ITGB2: variants seen among roughly 807,000 people sequenced by gnomAD.
ITGB2 encodes integrin beta-2.
Under a neutral mutation model 86.8 loss-of-function variants are expected in ITGB2, and 56 were observed. The observed-to-expected ratio is 0.65, with a 90% CI of 0.52 to 0.81. The LOEUF is 0.81. ITGB2 is among the 30% of genes least tolerant of loss of function. The probability of loss-of-function intolerance (pLI) is 0.00; values close to 1 mark genes in which losing one functional copy is unlikely to be tolerated. For missense variants in ITGB2, 948 were observed against 1,061.2 expected, an observed-to-expected ratio of 0.89 and a Z score of 1.48; for synonymous variants, 457 against 450.4, an observed-to-expected ratio of 1.01 and a Z score of -0.19.
rs144862744 is a variant in ITGB2, at chr21:44,899,097, C to G, written c.963G>C (p.Ala321=). Residue 321 remains alanine, a synonymous_variant, in exon 8 of 16, where the codon GCG becomes GCC. Coordinates refer to ENST00000652462, the MANE Select transcript of ITGB2 (RefSeq NM_000211.5). The part of the protein sequence containing the change: ...LAENNIQPIF[A]VTSRMVKTYE... Reference sequence around the variant, plus strand: ...AGGTCTTCACCATCCTACTGGTCACCGCGAAGATGGGCTGGATGTTGTTTT... The same window carrying G: ...AGGTCTTCACCATCCTACTGGTCACGGCGAAGATGGGCTGGATGTTGTTTT... 6.2e-7 allele frequency: 1 copy of G among 1,614,042 alleles called. No homozygotes were observed. The highest frequency in any genetic ancestry group is 8.5e-7 in the Non-Finnish European group (1 of 1,180,006).
intron 1 of ITGB2, among the ~76,000 whole-genome samples, chr21:44,915,262 G>C (rs2084191155): frequency 6.6e-6 from 1 of 152,130 alleles, no homozygotes; most frequent in Non-Finnish European, 1.5e-5. Context: ...CTGACCTCAT[G>C]ATCCGCCCAC....
intron 11 of ITGB2, among the ~76,000 whole-genome samples, chr21:44,891,480 TCCTTGTGCCCCTGAGATGGG>T (rs1002312985): frequency 5.9e-5 from 9 of 152,192 alleles, no homozygotes; most frequent in South Asian, 4.1e-4. Flanking sequence ...CAGCGGGGAC[TCCTTGTGCCCCTGAGATGGG>T]CCTCCATCCT....
In ITGB2 at chr21:44,886,283, C is replaced by A; in HGVS notation, c.*85G>T. 8.1e-7 allele frequency: 1 copy of A among 1,234,276 alleles called. No homozygotes were observed. The highest frequency in any genetic ancestry group is 1.2e-6 in the Non-Finnish European group (1 of 834,080). The allele number at this position is 1,234,276 out of a possible 1,614,324, so 76.5% of individuals were successfully genotyped here. On this transcript the variant is annotated 3_prime_UTR_variant, in exon 16 of 16. Coordinates refer to ENST00000652462, the MANE Select transcript of ITGB2 (RefSeq NM_000211.5). ...GGATTTCTGGTTAATTGGTGACATC[C>A]TCAAGAGCTGTGGCAAGCCATGTCT... is the stretch of plus-strand genomic sequence containing the variant.
At chr21:44,902,371 G>C (rs1426444630) in intron 5 of ITGB2, among the ~76,000 whole-genome samples, 3 of 152,214 alleles carry the variant, frequency 2.0e-5, no homozygotes, top group African/African-American at 7.2e-5. Context: ...TTGTGTGTGA[G>C]CGTGCATTCA....
At chr21:44,926,570 T>G (rs1399710158) in intron 1 of ITGB2, among the ~76,000 whole-genome samples, 2 of 152,080 alleles carry the variant, frequency 1.3e-5, no homozygotes, top group Non-Finnish European at 2.9e-5. Context: ...AAAGAGTAGA[T>G]GTTGATCCCA....
chr21:44,888,702 C>T lies in ITGB2; in HGVS notation c.2071G>A (p.Glu691Lys). 6.2e-7 allele frequency: 1 copy of T among 1,608,902 alleles called. No individual in the cohort carries two copies. The highest frequency in any genetic ancestry group is 8.5e-7 in the Non-Finnish European group (1 of 1,179,946). Reference protein sequence around the residue: ...GMDRYLIYVDESRECVAGPNI... With the variant: ...GMDRYLIYVDKSRECVAGPNI... ...ACCCCAGCGGCCTCACCTCGGCTCT[C>T]ATCCACATAGATGAGGTAGCGGTCC... The change falls in exon 14 of 16, where the codon GAG (glutamate) becomes AAG (lysine). Residue 691 changes from glutamate (E) to lysine (K), a missense_variant. Transcript: ENST00000652462.
chr21:44,918,156 C>A (rs2084239008), intron 1 of ITGB2, among the ~76,000 whole-genome samples: 1 of 152,240 alleles, frequency 6.6e-6, no homozygotes. Context: ...AGCGACCTGG[C>A]CTGTACCTGC....
In ITGB2 at chr21:44,901,644, C is replaced by T. The variant is rs755393167; in HGVS notation, c.589G>A (p.Glu197Lys). Reference protein sequence around the residue: ...LRNPCPNKEKECQPPFAFRHV... With the variant: ...LRNPCPNKEKKCQPPFAFRHV... Reference sequence around the variant, plus strand: ...CTGAAGGCAAACGGGGGCTGGCACTCTTTCTCCTTGTTGGGGCATGGGTTT... The same window carrying T: ...CTGAAGGCAAACGGGGGCTGGCACTTTTTCTCCTTGTTGGGGCATGGGTTT... Residue 197 changes from glutamate to lysine, a missense_variant, in exon 6 of 16, where the codon GAG (glutamate) becomes AAG (lysine). Glu to Lys is a moderately conservative substitution (Grantham distance 56, BLOSUM62 1). Transcript: ENST00000652462. The T allele has an allele frequency of 1.2e-6, 2 of 1,614,258 alleles. No homozygotes were observed. Among genetic ancestry groups the T allele is most frequent in the Non-Finnish European group, 1.7e-6 (2 of 1,180,042 alleles).
upstream of ITGB2, among the ~76,000 whole-genome samples, chr21:44,924,244 A>G (rs2084344621): frequency 6.6e-6 from 1 of 151,534 alleles, no homozygotes; most frequent in Admixed American, 6.6e-5. Context: ...AGCCTGGCCA[A>G]CATGGCAAAA....
chr21:44,897,871 G>T (rs561094869), intron 8 of ITGB2, among the ~76,000 whole-genome samples: 16 of 152,338 alleles, frequency 1.1e-4, no homozygotes, highest in Non-Finnish European at 2.2e-4. Context: ...GCTGCTATGG[G>T]CGGAGGCTCC....
At chr21:44,891,507 T>A (rs1158857623) in intron 11 of ITGB2, among the ~76,000 whole-genome samples, 3 of 152,168 alleles carry the variant, frequency 2.0e-5, no homozygotes, top group African/African-American at 7.2e-5. Flanking sequence ...TGGGCCTCCA[T>A]CCTCTGGTGA....
At position 44,900,475 on chromosome 21, in the gene ITGB2, C is replaced by A. The variant is rs867112251; in HGVS notation, c.742G>T (p.Glu248Ter). The stretch of plus-strand genomic sequence containing the variant: ...GTGACGTTGCGCCAGCCGATTTCCT[C>A]CTGAGAAGAAGGCGTGGGGGGCAGG... ...DAMMQVAACPEEIGWRNVTRL... is the reference protein window; with the variant it reads ...DAMMQVAACP Residue 248 changes from glutamate (E) to a stop codon, truncating the protein, a stop_gained and splice_region_variant, in exon 7 of 16, where the codon GAG (glutamate) becomes TAG (stop). Transcript: ENST00000652462. LOFTEE classifies it high-confidence loss of function. The A allele has an allele frequency of 6.2e-7, 1 of 1,613,920 alleles. No individual in the cohort carries two copies. Among genetic ancestry groups the A allele is most frequent in the African/African-American group, 1.3e-5 (1 of 75,052 alleles).
upstream of ITGB2, among the ~76,000 whole-genome samples, chr21:44,925,385 C>CAGAA (rs1300207728): frequency 8.1e-6 from 1 of 124,082 alleles, no homozygotes; most frequent in African/African-American, 3.0e-5. Flanking sequence ...AAGATCCTGT[C>CAGAA]AGAAAGAAAG....
chr21:44,916,651 T>C (rs1296930565), intron 1 of ITGB2, among the ~76,000 whole-genome samples: 2 of 152,142 alleles, frequency 1.3e-5, no homozygotes, highest in Non-Finnish European at 2.9e-5. Context: ...GCGGATCACC[T>C]GAGGTCAGGA....
upstream of ITGB2, among the ~76,000 whole-genome samples, chr21:44,922,658 G>GAAAAAAAA (rs10532717): frequency 1.7e-5 from 2 of 114,744 alleles, no homozygotes; most frequent in Non-Finnish European, 3.9e-5. Context: ...GGGTAACTGA[G>GAAAAAAAA]AAAAAAAAAA....
chr21:44,895,732 T>C (rs913512751), intron 8 of ITGB2, among the ~76,000 whole-genome samples: 5 of 150,890 alleles, frequency 3.3e-5, no homozygotes, highest in African/African-American at 1.2e-4. Context: ...GCCCAGCTAC[T>C]CAGGAGACTG....
rs2146489802 is a variant in ITGB2 at position 44,886,288 on chromosome 21, G to A, written c.*80C>T. On this transcript the variant is annotated 3_prime_UTR_variant, in exon 16 of 16. Coordinates refer to ENST00000652462, the MANE Select transcript of ITGB2 (RefSeq NM_000211.5). ...TCTGGTTAATTGGTGACATCCTCAA[G>A]AGCTGTGGCAAGCCATGTCTCGGCC... is the stretch of plus-strand genomic sequence containing the variant. The A allele has an allele frequency of 2.4e-6, 3 of 1,250,154 alleles. No individual in the cohort carries two copies. Among genetic ancestry groups the A allele is most frequent in the Non-Finnish European group, 3.5e-6 (3 of 848,246 alleles). The allele number at this position is 1,250,154 out of a possible 1,614,324, so 77.4% of individuals were successfully genotyped here. A position where few individuals can be genotyped will look rare whatever the true frequency, so the allele number is the denominator to read the frequency against.
exon 1 of ITGB2, chr21:44,928,718 T>C (rs2146585072): frequency 5.9e-6 from 1 of 169,826 alleles, no homozygotes; most frequent in Non-Finnish European, 1.3e-5. Context: ...CTCTTCTTTC[T>C]GATACTTGAC....
chr21:44,886,549 C>T, intron 15 of ITGB2, 119 bp from the exon 16 acceptor site: 1 of 1,393,926 alleles, frequency 7.2e-7, no homozygotes, highest in Non-Finnish European at 1.0e-6. Flanking sequence ...AGACGTGGGG[C>T]AGCCCCCCCA....
Sources: gnomAD v4.1 joint callset for allele counts (sites outside exome capture counted in the v4.1 genomes callset) on GRCh38, gnomAD v4.1.1 for gene constraint, MANE v1.5 for transcripts, NCBI Gene and HGNC (gene_info 2026-07-23, HGNC 2026-07-21) for gene names.